The following TMPRSS13 variants were observed in gnomAD, a reference collection of about 807,000 sequenced individuals.
The protein encoded by TMPRSS13 is transmembrane protease serine 13.
Under a neutral mutation model 68.4 loss-of-function variants are expected in TMPRSS13, and 50 were observed. That is an observed-to-expected ratio of 0.73 (90% confidence interval 0.58 to 0.93). TMPRSS13 has a LOEUF of 0.93. Ranked by LOEUF, TMPRSS13 falls within the 40% of genes least tolerant of loss-of-function variation. The probability of loss-of-function intolerance (pLI) is 0.00; values close to 1 mark genes in which losing one functional copy is unlikely to be tolerated. For synonymous variants in TMPRSS13, 267 were observed against 285.8 expected (o/e 0.93, Z 0.66); for missense variants, 615 against 729.2 (o/e 0.84, Z 1.80).
chr11:117,927,183 A>G (rs34850032), intron 1 of TMPRSS13, among the ~76,000 whole-genome samples: 29,638 of 152,056 alleles, frequency 0.19, 3,740 homozygotes, highest in Middle Eastern at 0.31. Flanking sequence ...TTTTCCATAC[A>G]CTGCTTGCCT....
At chr11:117,924,634 G>A (rs1260913405) in intron 1 of TMPRSS13, among the ~76,000 whole-genome samples, 1 of 152,150 alleles carries the variant, frequency 6.6e-6, no homozygotes, top group East Asian at 1.9e-4. Context: ...AACCTGGGGA[G>A]CCCTGGGGTT....
At position 117,912,951 on chromosome 11, in the gene TMPRSS13, A is replaced by C. The variant is rs758568129; in HGVS notation, c.809+826T>G. Among the ~76,000 whole-genome samples the C allele has an allele frequency of 2.8e-4, 42 of 152,208 alleles. 1 individual carries two copies. The highest frequency in any genetic ancestry group is 1.4e-3 in the Admixed American group (22 of 15,274). ...GCCACACAACTCATAAAAGATGCCC[A>C]TGGTCTTCCATCTGCATTACTACCA... On this transcript the variant is annotated intron_variant, in intron 5 of 12. Coordinates refer to ENST00000524993, the MANE Select transcript of TMPRSS13 (RefSeq NM_001077263.3).
At chr11:117,912,636 G>C (rs2057535388) in intron 5 of TMPRSS13, among the ~76,000 whole-genome samples, 1 of 152,204 alleles carries the variant, frequency 6.6e-6, no homozygotes, top group African/African-American at 2.4e-5. Context: ...TCTACTCAGA[G>C]GGCCCATTCT....
rs888638756 is a variant in TMPRSS13 at position 117,914,513 on chromosome 11, G to T, written c.558C>A (p.Phe186Leu). 1.2e-6 allele frequency: 2 copies of T among 1,613,772 alleles called. No homozygotes were observed. The highest frequency in any genetic ancestry group is 1.7e-6 in the Non-Finnish European group (2 of 1,179,980). Residue 186 changes from phenylalanine (F) to leucine (L), a missense_variant and splice_region_variant, in exon 4 of 13, where the codon TTC becomes TTA. Transcript: ENST00000524993. The surrounding 1 kb of genome is among the most constrained non-coding windows in gnomAD (Gnocchi z 4.2). ...TCCCTGTGTGGCCCTGCCAGAACTG[G>T]ACTAGAGAAAAAGAAGCAGACAGCT... ...IALVVSLIIL[F>L]QFWQGHTGIR...
At chr11:117,920,811 T>C (rs1043269013) in intron 1 of TMPRSS13, among the ~76,000 whole-genome samples, 4 of 152,288 alleles carry the variant, frequency 2.6e-5, no homozygotes, top group African/African-American at 9.6e-5. Flanking sequence ...GGGTTTTGTT[T>C]GTTTGTTTGT....
intron 1 of TMPRSS13, among the ~76,000 whole-genome samples, chr11:117,926,939 A>G (rs916975780): frequency 7.2e-5 from 11 of 152,224 alleles, no homozygotes; most frequent in African/African-American, 1.2e-4. Flanking sequence ...GAAGGACACT[A>G]TTTTGAGACT....
In TMPRSS13 at chr11:117,918,760, C is replaced by T. The variant is rs751907145; in HGVS notation, c.100G>A (p.Ala34Thr). Residue 34 changes from alanine (A) to threonine (T), a missense_variant, in exon 2 of 13, where the codon GCA becomes ACA. Coordinates refer to ENST00000524993, the MANE Select transcript of TMPRSS13 (RefSeq NM_001077263.3). Reference protein sequence around the residue: ...ASPAGTPPGRASPAQASPAQA... With the variant: ...ASPAGTPPGRTSPAQASPAQA... ...GCTGGAGATGCCTGGGCTGGAGATG[C>T]CCGGCCTGGAGGTGTCCCAGCTGGA... 9 of 1,611,620 alleles carry T rather than the reference C, an allele frequency of 5.6e-6. No homozygotes were observed. The South Asian group carries it at 8.8e-5, about 16-fold the overall frequency.
At chr11:117,904,904 T>TATATATATATATATATA (rs61134271) in intron 10 of TMPRSS13, among the ~76,000 whole-genome samples, 41 of 121,740 alleles carry the variant, frequency 3.4e-4, no homozygotes, top group Non-Finnish European at 6.1e-4. Context: ...TATATATATA[T>TATATATATATATATATA]TCTTAATTGA....
chr11:117,920,574 C>A (rs1051567078), intron 1 of TMPRSS13, among the ~76,000 whole-genome samples: 1 of 152,146 alleles, frequency 6.6e-6, no homozygotes, highest in Non-Finnish European at 1.5e-5. Context: ...CTCACTGCGA[C>A]CTCTGCTGGG....
At chr11:117,906,604 C>T (rs778817530) in intron 9 of TMPRSS13, among the ~76,000 whole-genome samples, 7 of 152,086 alleles carry the variant, frequency 4.6e-5, no homozygotes, top group Middle Eastern at 3.2e-3. Flanking sequence ...AATTCTTCTC[C>T]CATAAATTGG....
Position 117,903,733 on chromosome 11 carries a change from T to G in TMPRSS13, c.1599A>C (p.Thr533=), listed in dbSNP as rs779646262. Residue 533 remains threonine (T), a synonymous_variant, in exon 12 of 13, where the codon ACA becomes ACC. Transcript: ENST00000524993. Reference sequence around the variant, plus strand: ...CAGGTTTGTTTCTCTGGCCACAGCCTGTGCCCCAGCTGGTGACACCTGCCA... The same window carrying G: ...CAGGTTTGTTTCTCTGGCCACAGCCGGTGCCCCAGCTGGTGACACCTGCCA... The part of the protein sequence containing the change: ...WYLAGVTSWG[T]GCGQRNKPGV... The G allele has an allele frequency of 8.3e-5, 134 of 1,613,526 alleles. 2 individuals are homozygous for G. In the Admixed American group the frequency reaches 2.2e-3, roughly 26 times the overall value.
rs764578920 is a variant in TMPRSS13, at chr11:117,904,029, A to G, written c.1454T>C (p.Val485Ala). The change falls in exon 11 of 13, where the codon GTC becomes GCC. Residue 485 changes from valine (V) to alanine (A), a missense_variant. Coordinates refer to ENST00000524993, the MANE Select transcript of TMPRSS13 (RefSeq NM_001077263.3). ...IDFKKCNDYL[V>A]YDSYLTPRMM... ...CCTTGGGGTAAGGTAACTGTCATAG[A>G]CCAAGTAGTCATTGCATTTCTTGAA... The G allele has an allele frequency of 1.9e-6, 3 of 1,613,776 alleles. No individual in the cohort carries two copies. In the East Asian group the frequency reaches 6.7e-5, roughly 36 times the overall value.
Position 117,913,885 on chromosome 11 carries a change from G to T in TMPRSS13, c.701C>A (p.Ser234Tyr). The change falls in exon 5 of 13, where the codon TCT (serine) becomes TAT (tyrosine). Residue 234 changes from serine (S) to tyrosine (Y), a missense_variant. Physicochemically the swap from Ser to Tyr is moderately radical, Grantham distance 144 (BLOSUM62 -2). Transcript: ENST00000524993. ...GGACCCAGAGTAGATTTTAAGCAGAGACTTGTCCCAGTCAAACCTCACTGC... is the reference window on the plus strand; with the variant it reads ...GGACCCAGAGTAGATTTTAAGCAGATACTTGTCCCAGTCAAACCTCACTGC... ...LGCVRFDWDKSLLKIYSGSSH... is the reference protein window; with the variant it reads ...LGCVRFDWDKYLLKIYSGSSH... 1 of 1,613,958 alleles carries T rather than the reference G, an allele frequency of 6.2e-7. No homozygotes were observed. Among genetic ancestry groups the T allele is most frequent in the Non-Finnish European group, 8.5e-7 (1 of 1,179,996 alleles).
chr11:117,911,653 CTCCTGGAGGCTGGAT>C, intron 6 of TMPRSS13, 100 bp downstream of exon 6: 2 of 746,588 alleles, frequency 2.7e-6, no homozygotes, highest in East Asian at 5.3e-5. Context: ...TCATGGTGGA[CTCCTGGAGGCTGGAT>C]ACTAGAAAAG....
Position 117,915,116 on chromosome 11 carries a change from A to G in TMPRSS13, c.557-602T>C, listed in dbSNP as rs1229344886. 6.6e-6 allele frequency among the ~76,000 whole-genome samples: 1 copy of G among 152,158 alleles called. No homozygotes were observed. The highest frequency in any genetic ancestry group is 2.4e-5 in the African/African-American group (1 of 41,428). Reference sequence around the variant, plus strand: ...TATGCCTTTAAATGTCTTTTCAATCAACCAGCAATTCTAGGTGGCTGATTC... The same window carrying G: ...TATGCCTTTAAATGTCTTTTCAATCGACCAGCAATTCTAGGTGGCTGATTC... On this transcript the variant is annotated intron_variant, in intron 3 of 12. Coordinates refer to ENST00000524993, the MANE Select transcript of TMPRSS13 (RefSeq NM_001077263.3). The surrounding 1 kb of genome is among the most constrained non-coding windows in gnomAD (Gnocchi z 4.9).
At chr11:117,918,011 TG>T (rs1242654104) in intron 2 of TMPRSS13, among the ~76,000 whole-genome samples, 2 of 152,116 alleles carry the variant, frequency 1.3e-5, no homozygotes, top group African/African-American at 4.8e-5. Flanking sequence ...CACCCACAGA[TG>T]GGCCCACTGA....
Position 117,903,897 on chromosome 11 carries a change from C to A in TMPRSS13, c.1524+62G>T, listed in dbSNP as rs946295342. 13 of 1,596,652 alleles carry A rather than the reference C, an allele frequency of 8.1e-6. No individual in the cohort carries two copies. The Admixed American group carries it at 1.0e-4, about 13-fold the overall frequency. On this transcript the variant is annotated intron_variant, in intron 11 of 12. Transcript: ENST00000524993. ...GTCCCAATTCCCACATCAGCCCCAA[C>A]ACCCCTGCCTCCCCCATCCCCAGGG...
At chr11:117,911,689 G>A (rs2057524434) in intron 6 of TMPRSS13, 79 bp downstream of exon 6, 2 of 1,158,060 alleles carry the variant, frequency 1.7e-6, no homozygotes, top group South Asian at 1.3e-5. Context: ...CCAGTGAAGG[G>A]GGCTCCCTGA....
At chr11:117,903,405 A>C (rs1323791868) in intron 12 of TMPRSS13, 1 of 1,535,742 alleles carries the variant, frequency 6.5e-7, no homozygotes, top group African/African-American at 1.4e-5. Context: ...CTGCCCAGCA[A>C]CTGCCTGCCT....
Sources: allele counts gnomAD v4.1 joint callset (sites outside exome capture counted in the v4.1 genomes callset), GRCh38; gene constraint gnomAD v4.1.1; non-coding constraint Gnocchi (gnomAD v3.1); transcripts MANE v1.5; gene names NCBI Gene and HGNC (gene_info 2026-07-23, HGNC 2026-07-21).